Variants in MICAL2 observed in about 807,000 individuals in gnomAD.
MICAL2 encodes the protein [F-actin]-monooxygenase MICAL2.
In MICAL2, 77 loss-of-function variants were observed where a neutral mutation model predicts 127.3. The observed-to-expected ratio is 0.60, with a 90% CI of 0.50 to 0.73. MICAL2 has a LOEUF of 0.73. MICAL2 is among the 30% of genes least tolerant of loss of function. MICAL2 has a pLI of 0.00. For synonymous variants in MICAL2, 570 were observed against 551.1 expected (o/e 1.03, Z -0.48); for missense variants, 1,351 against 1,434.4 (o/e 0.94, Z 0.94).
intron 32 of MICAL2, among the ~76,000 whole-genome samples, chr11:12,340,778 T>C (rs562129631): frequency 6.6e-6 from 1 of 152,340 alleles, no homozygotes; most frequent in Admixed American, 6.5e-5. Flanking sequence ...TATGGAAGAA[T>C]ACATATAGTA....
chr11:12,138,798 C>G (rs1035866157), intron 2 of MICAL2, among the ~76,000 whole-genome samples: 2 of 152,204 alleles, frequency 1.3e-5, no homozygotes, highest in Admixed American at 6.5e-5. Flanking sequence ...TGACCAACAG[C>G]TGTTTGTGGA....
chr11:12,166,501 A>G (rs932233833), intron 3 of MICAL2, among the ~76,000 whole-genome samples: 1 of 152,320 alleles, frequency 6.6e-6, no homozygotes, highest in East Asian at 1.9e-4. Context: ...AGCAGCTACT[A>G]TGTGTCAGGC....
At chr11:12,343,032 G>A (rs75382113) in intron 32 of MICAL2, among the ~76,000 whole-genome samples, 2,295 of 152,166 alleles carry the variant, frequency 0.015, 54 homozygotes, top group African/African-American at 0.046. Flanking sequence ...CAATACTTTG[G>A]GAAGGCAGAT....
intron 32 of MICAL2, among the ~76,000 whole-genome samples, chr11:12,330,967 A>G (rs1415071185): frequency 6.6e-6 from 1 of 150,620 alleles, no homozygotes. Flanking sequence ...GATGTCTTTG[A>G]CAGAGGTAAG....
At chr11:12,142,144 C>G (rs772228555) in intron 2 of MICAL2, among the ~76,000 whole-genome samples, 1 of 152,146 alleles carries the variant, frequency 6.6e-6, no homozygotes, top group Non-Finnish European at 1.5e-5. Flanking sequence ...ACCGTGCCTT[C>G]CTCTTTTCTC....
intron 3 of MICAL2, among the ~76,000 whole-genome samples, chr11:12,177,334 G>A (rs530551762): frequency 2.6e-5 from 4 of 152,186 alleles, no homozygotes; most frequent in African/African-American, 4.8e-5. Context: ...GCCCATTTTC[G>A]AATCAGGTTT....
downstream of MICAL2, among the ~76,000 whole-genome samples, chr11:12,359,962 C>A (rs1281948799): frequency 6.6e-6 from 1 of 152,212 alleles, no homozygotes; most frequent in African/African-American, 2.4e-5. Context: ...ACGCACCAAT[C>A]TGGCCAGCTC....
intron 29 of MICAL2, among the ~76,000 whole-genome samples, chr11:12,311,368 TTC>T (rs1491385098): frequency 2.0e-5 from 3 of 152,092 alleles, no homozygotes; most frequent in African/African-American, 7.2e-5. Context: ...AAATTTTTCT[TTC>T]TTTTTTTTTG....
chr11:12,330,879 G>A (rs36019835), intron 32 of MICAL2, among the ~76,000 whole-genome samples: 1 of 126,248 alleles, frequency 7.9e-6, no homozygotes, highest in African/African-American at 2.9e-5. Context: ...GAGAGAGAGA[G>A]AGACAGAGAG....
At chr11:12,330,149 A>G (rs1359078203) in intron 32 of MICAL2, among the ~76,000 whole-genome samples, 1 of 152,222 alleles carries the variant, frequency 6.6e-6, no homozygotes, top group Non-Finnish European at 1.5e-5. Flanking sequence ...TTTGCAGACC[A>G]GCCACCAAAA....
intron 2 of MICAL2, among the ~76,000 whole-genome samples, chr11:12,156,278 T>C (rs978973898): frequency 6.6e-6 from 1 of 152,114 alleles, no homozygotes; most frequent in African/African-American, 2.4e-5. Context: ...TCAGACAGCA[T>C]GTATAAGAGG....
rs116495808 is a variant in MICAL2 at position 12,271,036 on chromosome 11, C to T, written c.3335-4950C>T. Among the ~76,000 whole-genome samples the T allele has an allele frequency of 5.7e-3, 867 of 152,288 alleles. 12 individuals are homozygous for T. The highest frequency in any genetic ancestry group is 0.02 in the African/African-American group (840 of 41,554). On this transcript the variant is annotated intron_variant, in intron 24 of 34. Transcript: ENST00000646065. Reference sequence around the variant, plus strand: ...AGCCATGTGTGAGGACAGACGTTTCCCCAGACCCTGCCTGGCTCTGCCTTT... The same window carrying T: ...AGCCATGTGTGAGGACAGACGTTTCTCCAGACCCTGCCTGGCTCTGCCTTT...
chr11:12,111,077 C>T (rs559239685), intron 1 of MICAL2, among the ~76,000 whole-genome samples: 30 of 152,344 alleles, frequency 2.0e-4, no homozygotes, highest in Non-Finnish European at 4.0e-4. Context: ...GCCTGCAGTG[C>T]TGCCTGTCAC....
At chr11:12,122,509 A>T (rs1850589394) in intron 1 of MICAL2, among the ~76,000 whole-genome samples, 1 of 152,188 alleles carries the variant, frequency 6.6e-6, no homozygotes, top group Admixed American at 6.5e-5. Flanking sequence ...CCCAGGTTCA[A>T]GCAATTCTCC....
intron 1 of MICAL2, among the ~76,000 whole-genome samples, chr11:12,280,357 C>T (rs1863759550): frequency 6.6e-6 from 1 of 152,212 alleles, no homozygotes; most frequent in Non-Finnish European, 1.5e-5. Flanking sequence ...TGCTGGGCCC[C>T]TTCTGCTCTG....
rs1849538175 is a variant in MICAL2, at chr11:12,110,798, G to C, written c.-149+72G>C. ...CGCGGGTGGGGACCGTGCCAGCCTC[G>C]GCTGGACTCTGCGCCGTGTCCAACG... On this transcript the variant is annotated intron_variant, in intron 1 of 27. Transcript: ENST00000683283. The surrounding 1 kb of genome is among the most constrained non-coding windows in gnomAD (Gnocchi z 4.5). 1 of 152,062 alleles carries C rather than the reference G, an allele frequency of 6.6e-6. No homozygotes were observed. The highest frequency in any genetic ancestry group is 1.5e-5 in the Non-Finnish European group (1 of 67,986). 9.4% of individuals were successfully genotyped at this position (152,062 alleles called of 1,614,324 possible). A position where few individuals can be genotyped will look rare whatever the true frequency, so the allele number is the denominator to read the frequency against.
chr11:12,242,978 A>G (rs1860192064), intron 20 of MICAL2: 1 of 452,798 alleles, frequency 2.2e-6, no homozygotes, highest in East Asian at 4.2e-5. Flanking sequence ...ATACATCATG[A>G]GAAAGGAAAA....
intron 1 of MICAL2, among the ~76,000 whole-genome samples, chr11:12,121,238 G>C (rs575672286): frequency 1.3e-5 from 2 of 152,140 alleles, no homozygotes; most frequent in African/African-American, 4.8e-5. Context: ...CTCTTCACAC[G>C]GATCTTCTCC....
intron 3 of MICAL2, among the ~76,000 whole-genome samples, chr11:12,184,953 G>A (rs1172240877): frequency 6.6e-6 from 1 of 151,164 alleles, no homozygotes; most frequent in Middle Eastern, 3.2e-3. Flanking sequence ...ATGTAGCCTA[G>A]TGAGTTAGGA....
Sources: allele counts gnomAD v4.1 joint callset (sites outside exome capture counted in the v4.1 genomes callset), GRCh38; gene constraint gnomAD v4.1.1; non-coding constraint Gnocchi (gnomAD v3.1); transcripts MANE v1.5; gene names NCBI Gene and HGNC (gene_info 2026-07-23, HGNC 2026-07-21).